PITRM1: variants seen among roughly 807,000 people sequenced by gnomAD.
PITRM1 encodes the protein pitrilysin metallopeptidase 1, also known as presequence protease, mitochondrial.
PITRM1 carries 100 observed loss-of-function variants against 129.9 expected under a neutral mutation model. That is an observed-to-expected ratio of 0.77 (90% CI 0.65 to 0.91). The LOEUF (loss-of-function observed/expected upper bound fraction) is 0.91, where lower values mean the gene tolerates loss of function less well. Among genes scored for constraint, PITRM1 ranks in the 40% least tolerant of loss-of-function variants. The pLI is 0.00. For synonymous variants in PITRM1, 591 were observed against 508.8 expected (o/e 1.16, Z -2.17); for missense variants, 1,471 against 1,318.3 (o/e 1.12, Z -1.79).
intron 1 of PITRM1, among the ~76,000 whole-genome samples, chr10:3,171,576 G>T (rs948806687): frequency 6.6e-6 from 1 of 152,152 alleles, no homozygotes; most frequent in Non-Finnish European, 1.5e-5. Context: ...GAGTGGCTGG[G>T]ACTACAAGTG....
At chr10:3,164,657 G>A (rs984725765) in intron 6 of PITRM1, among the ~76,000 whole-genome samples, 5 of 152,028 alleles carry the variant, frequency 3.3e-5, no homozygotes, top group Admixed American at 3.3e-4. Context: ...AGGTGCCTGT[G>A]TGTGTTTATA....
Position 3,171,147 on chromosome 10 carries a change from T to TAAA in PITRM1, c.57-944_57-942dup, listed in dbSNP as rs1169315061. On this transcript the variant is annotated intron_variant, in intron 1 of 26. Coordinates refer to ENST00000224949, the MANE Select transcript of PITRM1 (RefSeq NM_014889.4). ...ATAAAGTGCGGACTAATCGTTCAAT[T>TAAA]AAAAAAAAAAAAAAAAAAAAAAAAA... 1.2e-4 allele frequency among the ~76,000 whole-genome samples: 6 copies of TAAA among 49,204 alleles called. 2 individuals carry two copies. The highest frequency in any genetic ancestry group is 1.1e-4 in the Non-Finnish European group (3 of 26,770). The allele number at this position is 49,204 out of a possible 152,430, so 32.3% of individuals were successfully genotyped here.
In PITRM1 at chr10:3,170,084, G is replaced by C. The variant is rs1843209607; in HGVS notation, c.159+20C>G. Reference sequence around the variant, plus strand: ...GCAATGTATGTGGATTTATAAGGAGGTGCCGAGGACGACCCATACCTGGTT... The same window carrying C: ...GCAATGTATGTGGATTTATAAGGAGCTGCCGAGGACGACCCATACCTGGTT... On this transcript the variant is annotated intron_variant, in intron 2 of 26. Coordinates refer to ENST00000224949, the MANE Select transcript of PITRM1 (RefSeq NM_014889.4). The C allele has an allele frequency of 6.4e-7, 1 of 1,552,352 alleles. No homozygotes were observed. The highest frequency in any genetic ancestry group is 1.4e-5 in the African/African-American group (1 of 73,826).
rs992125442 is a variant in PITRM1 at position 3,138,243 on chromosome 10, C to T, written c.3012G>A (p.Val1004=). ...FAVSHDKLLA[V]SDRYLGTGKS... ...CCCCGCTCCCCACTCACCTATCGCT[C>T]ACGGCCAGGAGCTTGTCGTGGCTGA... Residue 1004 remains valine, a synonymous_variant, in exon 26 of 27, where the codon GTG becomes GTA. Coordinates refer to ENST00000224949, the MANE Select transcript of PITRM1 (RefSeq NM_014889.4). 1.9e-6 allele frequency: 3 copies of T among 1,612,800 alleles called. No individual in the cohort carries two copies. Among genetic ancestry groups the T allele is most frequent in the Non-Finnish European group, 2.5e-6 (3 of 1,178,918 alleles).
intron 23 of PITRM1, chr10:3,141,885 C>T (rs1374922867): frequency 9.0e-6 from 2 of 223,136 alleles, no homozygotes; most frequent in Non-Finnish European, 1.9e-5. Context: ...GCTGGGGCGC[C>T]GTCAGCCGGG....
chr10:3,172,527 C>A (rs1341846282), intron 1 of PITRM1, among the ~76,000 whole-genome samples, 190 bp downstream of exon 1: 1 of 152,162 alleles, frequency 6.6e-6, no homozygotes, highest in African/African-American at 2.4e-5. Flanking sequence ...TAGGAAGGAG[C>A]TCCGAGGTCC....
At chr10:3,157,131 G>C in intron 12 of PITRM1, 67 bp from the exon 13 acceptor site, 2 of 1,386,472 alleles carry the variant, frequency 1.4e-6, no homozygotes, top group Non-Finnish European at 2.0e-6. Context: ...CAACAGCCCA[G>C]ACTTGATACT....
At position 3,146,140 on chromosome 10, in the gene PITRM1, C is replaced by T. The variant is rs530874020; in HGVS notation, c.2337-424G>A. On this transcript the variant is annotated intron_variant, in intron 20 of 26. Transcript: ENST00000224949. ...GAACATTATAAACTGCAAAAAAATACCATGCTCTCAAAGTTACATGAAAAT... is the reference window on the plus strand; with the variant it reads ...GAACATTATAAACTGCAAAAAAATATCATGCTCTCAAAGTTACATGAAAAT... 4.8e-5 allele frequency: 8 copies of T among 167,304 alleles called. No individual in the cohort carries two copies. The South Asian group carries it at 1.2e-3, about 24-fold the overall frequency. The allele number at this position is 167,304 out of a possible 1,614,324, so 10.4% of individuals were successfully genotyped here. A position where few individuals can be genotyped will look rare whatever the true frequency, so the allele number is the denominator to read the frequency against.
chr10:3,171,146 T>TAAAAAAAAAAAAAAAAAAAAAAAAAAA lies in PITRM1; in HGVS notation c.57-941_57-940insTTTTTTTTTTTTTTTTTTTTTTTTTTT, dbSNP rs1588736135. ...GATAAAGTGCGGACTAATCGTTCAA[T>TAAAAAAAAAAAAAAAAAAAAAAAAAAA]TAAAAAAAAAAAAAAAAAAAAAAAA... On this transcript the variant is annotated intron_variant, in intron 1 of 26. Coordinates refer to ENST00000224949, the MANE Select transcript of PITRM1 (RefSeq NM_014889.4). 1.2e-3 allele frequency among the ~76,000 whole-genome samples: 44 copies of TAAAAAAAAAAAAAAAAAAAAAAAAAAA among 36,262 alleles called. 19 individuals are homozygous for TAAAAAAAAAAAAAAAAAAAAAAAAAAA. The highest frequency in any genetic ancestry group is 1.4e-3 in the Non-Finnish European group (26 of 18,706). The allele number at this position is 36,262 out of a possible 152,430, so 23.8% of individuals were successfully genotyped here.
rs1839812169 is a variant in PITRM1, at chr10:3,138,432, CTG to C, written c.2918-97_2918-96del. 27 of 816,552 alleles carry C rather than the reference CTG, an allele frequency of 3.3e-5. No homozygotes were observed. The South Asian group carries it at 3.4e-4, about 10-fold the overall frequency. 50.6% of individuals were successfully genotyped at this position (816,552 alleles called of 1,614,324 possible). ...TCCCGGAGGGGACACAGGCATCTCA[CTG>C]TCATTTCACGTGCATGTTTCAACCA... On this transcript the variant is annotated intron_variant, in intron 25 of 26. Transcript: ENST00000224949.
At chr10:3,159,291 C>T (rs1842242047) in intron 9 of PITRM1, among the ~76,000 whole-genome samples, 2 of 152,192 alleles carry the variant, frequency 1.3e-5, no homozygotes, top group Admixed American at 1.3e-4. Flanking sequence ...AAGCACTTTT[C>T]ACACGTGATT....
At chr10:3,152,923 C>T (rs751122730) in intron 14 of PITRM1, among the ~76,000 whole-genome samples, 1 of 152,278 alleles carries the variant, frequency 6.6e-6, no homozygotes, top group Non-Finnish European at 1.5e-5. Flanking sequence ...GCACATCACA[C>T]ACTCCCTGAT....
At chr10:3,170,920 G>A (rs890353751) in intron 1 of PITRM1, among the ~76,000 whole-genome samples, 9 of 151,682 alleles carry the variant, frequency 5.9e-5, no homozygotes, top group Admixed American at 2.6e-4. Context: ...CCGAGATCAC[G>A]CCACTGCACT....
chr10:3,144,078 G>A (rs1035842191), intron 22 of PITRM1: 5 of 594,184 alleles, frequency 8.4e-6, no homozygotes, highest in South Asian at 2.1e-5. Context: ...CCTCGGCACA[G>A]GAGGACACAC....
chr10:3,169,160 G>A (rs1843136541), intron 2 of PITRM1, among the ~76,000 whole-genome samples: 1 of 152,194 alleles, frequency 6.6e-6, no homozygotes, highest in Non-Finnish European at 1.5e-5. Flanking sequence ...ACCGCTGTGG[G>A]TGAGGCCCTT....
At position 3,144,350 on chromosome 10, in the gene PITRM1, C is replaced by A; in HGVS notation, c.2474G>T (p.Ser825Ile). Reference sequence around the variant, plus strand: ...GGGAACGTGGGCATCTCCACCAGAGCTGCTGGGCACAGGTTTCTGAAAATC... The same window carrying A: ...GGGAACGTGGGCATCTCCACCAGAGATGCTGGGCACAGGTTTCTGAAAATC... ...PHTVEKPVPS[S>I]SGGDAHVPHG... Residue 825 changes from serine (S) to isoleucine (I), a missense_variant, in exon 22 of 27, where the codon AGC becomes ATC. Transcript: ENST00000224949. 2 of 1,557,288 alleles carry A rather than the reference C, an allele frequency of 1.3e-6. No homozygotes were observed. Among genetic ancestry groups the A allele is most frequent in the Non-Finnish European group, 1.7e-6 (2 of 1,148,672 alleles).
intron 2 of PITRM1, among the ~76,000 whole-genome samples, chr10:3,168,846 T>C (rs1443764463): frequency 7.0e-6 from 1 of 142,754 alleles, no homozygotes; most frequent in Admixed American, 7.1e-5. Context: ...GAGACTAGAC[T>C]AATACACAAG....
rs1841909958 is a variant in PITRM1 at position 3,155,606 on chromosome 10, G to T, written c.1606C>A (p.Gln536Lys). The T allele has an allele frequency of 6.2e-7, 1 of 1,613,716 alleles. No individual in the cohort carries two copies. Among genetic ancestry groups the T allele is most frequent in the Non-Finnish European group, 8.5e-7 (1 of 1,179,866 alleles). ...AGCCTCTGACCTTTCTCGTAGATCT[G>T]CTGCCTGTCTCCGGGGGACAGAGCC... ...VEALSPGDRQQIYEKGLELRS... is the reference protein window; with the variant it reads ...VEALSPGDRQKIYEKGLELRS... The change falls in exon 14 of 27, where the codon CAG (glutamine) becomes AAG (lysine). Residue 536 changes from glutamine (Q) to lysine (K), a missense_variant. Transcript: ENST00000224949.
intron 14 of PITRM1, 119 bp from the exon 15 acceptor site, chr10:3,151,482 G>A: frequency 9.1e-6 from 6 of 662,328 alleles, no homozygotes; most frequent in East Asian, 2.8e-5. Context: ...AGTGTGGGGA[G>A]TACAGGAGCA....
Sources: gnomAD v4.1 joint callset for allele counts (sites outside exome capture counted in the v4.1 genomes callset) on GRCh38, gnomAD v4.1.1 for gene constraint, MANE v1.5 for transcripts, NCBI Gene and HGNC (gene_info 2026-07-23, HGNC 2026-07-21) for gene names.